Variants in DOK5 observed in about 807,000 individuals in gnomAD.
DOK5 encodes the protein docking protein 5.
In DOK5, 27 loss-of-function variants were observed where a neutral mutation model predicts 43.3. The observed-to-expected ratio is 0.62, with a 90% CI of 0.46 to 0.86. The LOEUF is 0.86. DOK5 is among the 40% of genes least tolerant of loss of function. The pLI is 0.00. For synonymous variants in DOK5, 146 were observed against 140.1 expected, an observed-to-expected ratio of 1.04 and a Z score of -0.30; for missense variants, 373 against 392.9, an observed-to-expected ratio of 0.95 and a Z score of 0.43.
At position 54,604,064 on chromosome 20, in the gene DOK5, A is replaced by G. The variant is rs1014587745; in HGVS notation, c.600-6324A>G. Among the ~76,000 whole-genome samples the G allele has an allele frequency of 4.1e-5, 6 of 145,480 alleles. No homozygotes were observed. The East Asian group carries it at 1.2e-3, about 30-fold the overall frequency. On this transcript the variant is annotated intron_variant, in intron 5 of 7. Transcript: ENST00000262593. ...CGGGTTCACGCCGTTCTCCTGCCTC[A>G]GCCTCCCGAGTAGCTGAGACTACAG...
chr20:54,538,966 C>T (rs1267203075), intron 1 of DOK5, among the ~76,000 whole-genome samples: 5 of 152,026 alleles, frequency 3.3e-5, no homozygotes, highest in South Asian at 2.1e-4. Context: ...CATATAACAT[C>T]GTTGAAATGC....
intron 2 of DOK5, among the ~76,000 whole-genome samples, chr20:54,575,359 G>A (rs1487199608): frequency 6.6e-6 from 1 of 152,138 alleles, no homozygotes; most frequent in Non-Finnish European, 1.5e-5. Context: ...TTTGGATATG[G>A]GATGGAAGTT....
rs118125173 is a variant in DOK5, at chr20:54,479,907, G to T, written c.66+3895G>T. ...TCTCCCCTCATCTCCCACCCCTACA[G>T]GCAATCCATCAGGAGATCTTGTGGG... On this transcript the variant is annotated intron_variant, in intron 1 of 7. Coordinates refer to ENST00000262593, the MANE Select transcript of DOK5 (RefSeq NM_018431.5). Among the ~76,000 whole-genome samples, 77 of 152,038 alleles carry T rather than the reference G, an allele frequency of 5.1e-4. 1 individual carries two copies. The East Asian group carries it at 0.014, about 28-fold the overall frequency.
intron 2 of DOK5, among the ~76,000 whole-genome samples, chr20:54,568,760 C>T (rs1345057519): frequency 6.6e-6 from 1 of 151,888 alleles, no homozygotes; most frequent in Non-Finnish European, 1.5e-5. Context: ...GAAACCCCGT[C>T]TCTGCTAAAA....
intron 6 of DOK5, among the ~76,000 whole-genome samples, chr20:54,624,501 T>C (rs1987078567): frequency 6.6e-6 from 1 of 152,110 alleles, no homozygotes; most frequent in Admixed American, 6.6e-5. Flanking sequence ...AAATAAGTTA[T>C]TGTGTGAGCC....
intron 5 of DOK5, among the ~76,000 whole-genome samples, chr20:54,593,834 G>A (rs749294201): frequency 7.9e-5 from 12 of 152,294 alleles, no homozygotes; most frequent in African/African-American, 2.2e-4. Flanking sequence ...AATGAATCAC[G>A]TCCTTTGCAG....
At chr20:54,589,862 C>G (rs760545384) in intron 4 of DOK5, among the ~76,000 whole-genome samples, 1 of 152,106 alleles carries the variant, frequency 6.6e-6, no homozygotes, top group Non-Finnish European at 1.5e-5. Context: ...TTGACCGAGA[C>G]CTAGAAGCCC....
chr20:54,564,986 T>A (rs577358134), intron 2 of DOK5, among the ~76,000 whole-genome samples: 8 of 152,352 alleles, frequency 5.3e-5, no homozygotes, highest in African/African-American at 1.7e-4. Context: ...TTTCTGTTCC[T>A]TTGTTCTATT....
intron 1 of DOK5, among the ~76,000 whole-genome samples, chr20:54,533,534 A>G (rs1869180863): frequency 6.6e-6 from 1 of 152,238 alleles, no homozygotes; most frequent in Non-Finnish European, 1.5e-5. Context: ...AAGAATGCAT[A>G]ATAATAAAAT....
intron 1 of DOK5, among the ~76,000 whole-genome samples, chr20:54,548,035 A>C (rs1984402639): frequency 6.6e-6 from 1 of 152,176 alleles, no homozygotes; most frequent in African/African-American, 2.4e-5. Context: ...GGCATTTAGC[A>C]GGTGGAGGCC....
chr20:54,479,208 T>C (rs1042563783), intron 1 of DOK5, among the ~76,000 whole-genome samples: 1 of 152,228 alleles, frequency 6.6e-6, no homozygotes, highest in Non-Finnish European at 1.5e-5. Flanking sequence ...TGTATAGATT[T>C]ATTCTCTTCT....
At chr20:54,570,423 T>C (rs1296148514) in intron 2 of DOK5, among the ~76,000 whole-genome samples, 1 of 152,182 alleles carries the variant, frequency 6.6e-6, no homozygotes, top group African/African-American at 2.4e-5. Flanking sequence ...AATGAAACAA[T>C]TTGAAGCTTC....
intron 6 of DOK5, 147 bp from the exon 7 acceptor site, chr20:54,643,311 C>A: frequency 1.8e-6 from 2 of 1,090,436 alleles, no homozygotes; most frequent in Non-Finnish European, 2.6e-6. Flanking sequence ...TAGCTGGCCA[C>A]CATGCCCACC....
intron 1 of DOK5, among the ~76,000 whole-genome samples, chr20:54,479,846 A>T (rs1981596191): frequency 6.6e-6 from 1 of 152,124 alleles, no homozygotes; most frequent in African/African-American, 2.4e-5. Flanking sequence ...TTGCGAAGGT[A>T]AAAATCACAA....
intron 6 of DOK5, among the ~76,000 whole-genome samples, chr20:54,620,297 G>A (rs1035056417): frequency 4.6e-5 from 7 of 152,226 alleles, no homozygotes; most frequent in East Asian, 1.9e-4. Flanking sequence ...GGAGTGCAGC[G>A]GTGCAATCTC....
intron 6 of DOK5, among the ~76,000 whole-genome samples, chr20:54,626,377 G>C (rs1987132487): frequency 6.6e-6 from 1 of 152,178 alleles, no homozygotes; most frequent in Admixed American, 6.5e-5. Flanking sequence ...TCTTTGCTGA[G>C]AGTCTGCGTG....
intron 1 of DOK5, among the ~76,000 whole-genome samples, chr20:54,541,310 C>G (rs192362246): frequency 2.0e-5 from 3 of 152,314 alleles, no homozygotes; most frequent in African/African-American, 4.8e-5. Flanking sequence ...CTAACTGGTT[C>G]CCCGACCTGC....
chr20:54,615,716 C>A (rs548837876), intron 6 of DOK5, among the ~76,000 whole-genome samples: 1 of 152,204 alleles, frequency 6.6e-6, no homozygotes, highest in East Asian at 1.9e-4. Context: ...TTGAGACCAG[C>A]CTGGCCAACA....
intron 5 of DOK5, among the ~76,000 whole-genome samples, chr20:54,592,270 A>G (rs1985998469): frequency 6.6e-6 from 1 of 152,124 alleles, no homozygotes; most frequent in Non-Finnish European, 1.5e-5. Flanking sequence ...AGTTCCATCT[A>G]TTTGGCTTAC....
Sources: allele counts gnomAD v4.1 joint callset (sites outside exome capture counted in the v4.1 genomes callset), GRCh38; gene constraint gnomAD v4.1.1; transcripts MANE v1.5; gene names NCBI Gene and HGNC (gene_info 2026-07-23, HGNC 2026-07-21).